The following OPCML variants were observed in gnomAD, a reference collection of about 807,000 sequenced individuals.
The protein encoded by OPCML is opioid binding protein/cell adhesion molecule like, also known as opioid-binding protein/cell adhesion molecule.
OPCML carries 13 observed loss-of-function variants against 37.8 expected under a neutral mutation model. That is an observed-to-expected ratio of 0.34 (90% CI 0.22 to 0.55). The LOEUF is 0.55. Among genes scored for constraint, OPCML ranks in the 20% least tolerant of loss-of-function variants. The pLI, the probability that OPCML is intolerant of heterozygous loss-of-function variation, is 0.91. For synonymous variants in OPCML, 176 were observed against 168.8 expected (o/e 1.04, Z -0.33); for missense variants, 341 against 435.6 (o/e 0.78, Z 1.93).
At chr11:132,883,530 T>C (rs1432941001) in intron 2 of OPCML, among the ~76,000 whole-genome samples, 2 of 152,124 alleles carry the variant, frequency 1.3e-5, no homozygotes, top group Admixed American at 6.5e-5. Context: ...AAAGCACAGG[T>C]ATTCAAGGCA....
chr11:132,830,159 T>C (rs1158269635), intron 2 of OPCML, among the ~76,000 whole-genome samples: 2 of 152,302 alleles, frequency 1.3e-5, no homozygotes, highest in South Asian at 2.1e-4. Context: ...TACTGCTCCT[T>C]TATATTCATC....
intron 4 of OPCML, among the ~76,000 whole-genome samples, chr11:132,445,361 A>G (rs570096649): frequency 6.6e-6 from 1 of 152,286 alleles, no homozygotes; most frequent in South Asian, 2.1e-4. Flanking sequence ...AGGATGACAC[A>G]AAGACAAAAG....
At chr11:133,114,643 C>T (rs975531532) in intron 1 of OPCML, among the ~76,000 whole-genome samples, 2 of 152,176 alleles carry the variant, frequency 1.3e-5, no homozygotes, top group Non-Finnish European at 2.9e-5. Flanking sequence ...TTTCCCCTAT[C>T]CAATGCCTCT....
intron 2 of OPCML, among the ~76,000 whole-genome samples, chr11:132,933,570 A>ATGTG (rs145923017): frequency 1.3e-5 from 2 of 151,868 alleles, no homozygotes; most frequent in South Asian, 4.2e-4. Context: ...GAAAAGGGAG[A>ATGTG]TGTGTGTGTG....
intron 2 of OPCML, among the ~76,000 whole-genome samples, chr11:132,749,402 T>C (rs1009772116): frequency 3.4e-4 from 52 of 152,124 alleles, no homozygotes; most frequent in African/African-American, 1.1e-3. Flanking sequence ...TCCAAGACGA[T>C]AGGAAAGACT....
chr11:133,306,203 G>A (rs1007270804), intron 1 of OPCML, among the ~76,000 whole-genome samples: 5 of 152,106 alleles, frequency 3.3e-5, no homozygotes, highest in African/African-American at 9.7e-5. Flanking sequence ...GCCCAGCTCC[G>A]TGTTTCTGTT....
intron 1 of OPCML, among the ~76,000 whole-genome samples, chr11:133,459,726 G>A (rs1156461829): frequency 2.0e-5 from 3 of 151,922 alleles, no homozygotes; most frequent in Non-Finnish European, 4.4e-5. Flanking sequence ...ACTATAAGAT[G>A]TAAACATGAA....
At chr11:132,979,613 G>A (rs1226743738) in intron 1 of OPCML, among the ~76,000 whole-genome samples, 1 of 152,188 alleles carries the variant, frequency 6.6e-6, no homozygotes, top group Non-Finnish European at 1.5e-5. Flanking sequence ...TTGCCATCTA[G>A]CATACTGGGT....
Position 132,791,350 on chromosome 11 carries a change from C to T in OPCML, c.147-134031G>A, listed in dbSNP as rs184267129. Among the ~76,000 whole-genome samples, 206 of 152,256 alleles carry T rather than the reference C, an allele frequency of 1.4e-3. 1 individual carries two copies. Among genetic ancestry groups the T allele is most frequent in the Non-Finnish European group, 2.4e-3 (165 of 68,024 alleles). On this transcript the variant is annotated intron_variant, in intron 2 of 7. Transcript: ENST00000524381. The stretch of plus-strand genomic sequence containing the variant: ...CAGACAGGCCCTAATGTTATGAAAA[C>T]AAAGTTACCTGTCTTTCAAGTGGTC...
chr11:132,508,098 T>A (rs534476154), intron 4 of OPCML, among the ~76,000 whole-genome samples: 3 of 152,148 alleles, frequency 2.0e-5, no homozygotes, highest in African/African-American at 7.2e-5. Context: ...GCTATTACAA[T>A]AATAAAAATG....
At chr11:133,199,821 G>C (rs992115444) in intron 1 of OPCML, among the ~76,000 whole-genome samples, 2 of 152,122 alleles carry the variant, frequency 1.3e-5, no homozygotes, top group Non-Finnish European at 2.9e-5. Context: ...GTCTACTAAA[G>C]TAGAGTCTCC....
intron 4 of OPCML, among the ~76,000 whole-genome samples, chr11:132,492,303 C>T (rs1347960197): frequency 1.3e-5 from 2 of 151,818 alleles, no homozygotes; most frequent in Non-Finnish European, 2.9e-5. Context: ...AGTTAAGGGC[C>T]CTGCAAAACT....
At chr11:133,422,477 T>A (rs1945912282) in intron 1 of OPCML, 1 of 982,858 alleles carries the variant, frequency 1.0e-6, no homozygotes. Flanking sequence ...CTTACCCATG[T>A]TAGCTTAGCG....
chr11:132,682,007 CA>C (rs1360627433), intron 2 of OPCML, among the ~76,000 whole-genome samples: 1 of 152,028 alleles, frequency 6.6e-6, no homozygotes, highest in East Asian at 1.9e-4. Flanking sequence ...ACAATTAAGC[CA>C]TCTGTGATGT....
rs919820361 is a variant in OPCML, at chr11:132,611,077, C to T, written c.379+46010G>A. ...ACTTCTGATTTTAATTAGGAGAACCCCATGACATTTCTCTGGGATTCTTTG... is the reference window on the plus strand; with the variant it reads ...ACTTCTGATTTTAATTAGGAGAACCTCATGACATTTCTCTGGGATTCTTTG... On this transcript the variant is annotated intron_variant, in intron 3 of 7. Transcript: ENST00000524381. Among the ~76,000 whole-genome samples the T allele has an allele frequency of 2.4e-4, 36 of 152,116 alleles. 1 individual carries two copies. The highest frequency in any genetic ancestry group is 8.5e-4 in the African/African-American group (35 of 41,408).
At position 133,318,400 on chromosome 11, in the gene OPCML, C is replaced by T. The variant is rs902286426; in HGVS notation, c.61+213864G>A. 3.9e-5 allele frequency among the ~76,000 whole-genome samples: 6 copies of T among 152,076 alleles called. No individual in the cohort carries two copies. The East Asian group carries it at 7.7e-4, about 20-fold the overall frequency. ...ACCTCCTCCACCATCCCCCAGATGA[C>T]GTTTGGTCCCCCTGGCCTGTCTTCA... On this transcript the variant is annotated intron_variant, in intron 1 of 7. Transcript: ENST00000524381.
intron 3 of OPCML, among the ~76,000 whole-genome samples, chr11:132,577,965 T>C (rs1042902315): frequency 1.3e-5 from 2 of 152,164 alleles, no homozygotes; most frequent in Non-Finnish European, 2.9e-5. Context: ...AAACAGGTAA[T>C]GTCCCCTTAG....
intron 1 of OPCML, among the ~76,000 whole-genome samples, chr11:133,032,945 G>A (rs1318621261): frequency 6.6e-6 from 1 of 152,062 alleles, no homozygotes; most frequent in Non-Finnish European, 1.5e-5. Flanking sequence ...CTGCAATGAG[G>A]ATAGTGAACA....
intron 1 of OPCML, among the ~76,000 whole-genome samples, chr11:132,997,251 G>T (rs1463374501): frequency 6.6e-6 from 1 of 152,146 alleles, no homozygotes; most frequent in African/African-American, 2.4e-5. Context: ...CTCTGGAAAG[G>T]GAATGGAAGC....
Sources: allele counts gnomAD v4.1 joint callset (sites outside exome capture counted in the v4.1 genomes callset), GRCh38; gene constraint gnomAD v4.1.1; transcripts MANE v1.5; gene names NCBI Gene and HGNC (gene_info 2026-07-23, HGNC 2026-07-21).